Variants in CCNB3 observed in about 807,000 individuals in gnomAD.
The protein encoded by CCNB3 is G2/mitotic-specific cyclin-B3.
In CCNB3, 12 loss-of-function variants were observed where a neutral mutation model predicts 68.0. That is an observed-to-expected ratio of 0.18 (90% CI 0.11 to 0.29). The LOEUF (loss-of-function observed/expected upper bound fraction) is 0.29. Among genes scored for constraint, CCNB3 ranks in the 10% least tolerant of loss-of-function variants. The pLI, the probability that CCNB3 is intolerant of heterozygous loss-of-function variation, is 1.00. For missense variants in CCNB3, 904 were observed against 993.1 expected, an observed-to-expected ratio of 0.91 and a Z score of 1.21; for synonymous variants, 354 against 388.9, an observed-to-expected ratio of 0.91 and a Z score of 1.06.
At chrX:50,290,409 T>C (rs1557209965) in intron 4 of CCNB3, among the ~76,000 whole-genome samples, 5 of 111,542 alleles carry the variant, frequency 4.5e-5, no homozygotes, top group South Asian at 3.8e-4. Flanking sequence ...GGGCCTCTTT[T>C]ATAAGGGCAC....
chrX:50,227,054 A>G (rs1935862776), intron 1 of CCNB3, among the ~76,000 whole-genome samples: 1 of 81,117 alleles, frequency 1.2e-5, no homozygotes, highest in South Asian at 5.6e-4. Context: ...ATACAAATAT[A>G]TAGAATATAT....
chrX:50,340,254 T>C (rs1923057497), intron 8 of CCNB3, among the ~76,000 whole-genome samples: 1 of 111,726 alleles, frequency 9.0e-6, no homozygotes, highest in African/African-American at 3.3e-5. Context: ...AAGTGAAACT[T>C]ACAGGGAGGG....
At chrX:50,332,065 T>C (rs377164198) in intron 8 of CCNB3, among the ~76,000 whole-genome samples, 1 of 112,136 alleles carries the variant, frequency 8.9e-6, no homozygotes, top group East Asian at 2.8e-4. Context: ...TTCAGTCATA[T>C]AGCCTTTTTC....
chrX:50,325,072 T>G (rs1862303523), intron 8 of CCNB3, among the ~76,000 whole-genome samples: 1 of 111,415 alleles, frequency 9.0e-6, no homozygotes, highest in Non-Finnish European at 1.9e-5. Flanking sequence ...AGAACTGTAT[T>G]CTCTATAGGG....
intron 8 of CCNB3, among the ~76,000 whole-genome samples, chrX:50,317,567 G>GTATGTATGTATGTATTTATT (rs1409621892): frequency 3.0e-4 from 32 of 108,372 alleles, no homozygotes; most frequent in African/African-American, 1.1e-3. Context: ...ATGTATGTAT[G>GTATGTATGTATGTATTTATT]TATTTATTTA....
chrX:50,312,476 A>G (rs1921515171), intron 6 of CCNB3, 61 bp from the exon 7 acceptor site: 1 of 884,842 alleles, frequency 1.1e-6, no homozygotes, highest in Non-Finnish European at 1.7e-6. Flanking sequence ...ATTGATATGT[A>G]TGTGCTAAGT....
intron 8 of CCNB3, among the ~76,000 whole-genome samples, chrX:50,316,079 G>A (rs1256664876): frequency 9.0e-6 from 1 of 111,231 alleles, no homozygotes; most frequent in Non-Finnish European, 1.9e-5. Flanking sequence ...CGCAGTGGGA[G>A]GTAAGTGCAT....
intron 5 of CCNB3, among the ~76,000 whole-genome samples, chrX:50,300,891 C>T (rs1447523879): frequency 1.8e-5 from 2 of 111,793 alleles, no homozygotes; most frequent in African/African-American, 3.2e-5. Context: ...TTTCGTCTTC[C>T]GTTGCTGATA....
At chrX:50,215,816 AC>A in intron 1 of CCNB3, among the ~76,000 whole-genome samples, 1 of 110,698 alleles carries the variant, frequency 9.0e-6, no homozygotes, top group Non-Finnish European at 1.9e-5. Flanking sequence ...TAATATAGCC[AC>A]TTTTGTTTGT....
At chrX:50,279,880 T>C (rs1478200480) in intron 1 of CCNB3, among the ~76,000 whole-genome samples, 1 of 86,955 alleles carries the variant, frequency 1.2e-5, no homozygotes, top group Middle Eastern at 0.018. Flanking sequence ...AAAATATATA[T>C]AGTATATATA....
chrX:50,294,831 C>T, intron 4 of CCNB3, 32 bp from the exon 5 acceptor site: 1 of 1,175,093 alleles, frequency 8.5e-7, no homozygotes, highest in Non-Finnish European at 1.1e-6. Context: ...CTCCTTCTTC[C>T]CCTGCCCCCC....
Position 50,309,033 on chromosome X carries a change from G to C in CCNB3, c.864G>C (p.Lys288Asn), listed in dbSNP as rs1557214033. 8 of 1,209,419 alleles carry C rather than the reference G, an allele frequency of 6.6e-6. No homozygotes were observed. The highest frequency in any genetic ancestry group is 8.9e-6 in the Non-Finnish European group (8 of 894,968). Residue 288 changes from lysine to asparagine, a missense_variant, in exon 6 of 13, where the codon AAG (lysine) becomes AAC (asparagine). By Grantham distance (94) the Lys-to-Asn change is moderately conservative. This residue lies in a region of CCNB3 where 619 missense variants were observed against 609.8 expected (regional missense o/e 1.02). Coordinates refer to ENST00000376042, the MANE Select transcript of CCNB3 (RefSeq NM_033031.3). ...IPTHKLSSLKKKCTIYGKICH... is the reference protein window; with the variant it reads ...IPTHKLSSLKNKCTIYGKICH... ...CCCATAAGTTATCATCTTTAAAGAAGAAATGTACCATTTATGGGAAGATAT... is the reference window on the plus strand; with the variant it reads ...CCCATAAGTTATCATCTTTAAAGAACAAATGTACCATTTATGGGAAGATAT...
chrX:50,227,838 T>G (rs1266196973), intron 1 of CCNB3, among the ~76,000 whole-genome samples: 6 of 82,503 alleles, frequency 7.3e-5, no homozygotes, highest in Admixed American at 1.7e-4. Flanking sequence ...TAAATATATA[T>G]AGAGAATATA....
intron 5 of CCNB3, among the ~76,000 whole-genome samples, chrX:50,299,171 C>T (rs1190071082): frequency 9.0e-6 from 1 of 111,459 alleles, no homozygotes; most frequent in South Asian, 3.8e-4. Context: ...TTGCCTTCTG[C>T]TAGCTTTTGA....
chrX:50,222,745 G>C (rs1935692822), intron 1 of CCNB3, among the ~76,000 whole-genome samples: 1 of 110,671 alleles, frequency 9.0e-6, no homozygotes, highest in African/African-American at 3.3e-5. Context: ...TATGTGTCTT[G>C]GGGTTGCTCT....
intron 5 of CCNB3, among the ~76,000 whole-genome samples, chrX:50,299,982 C>T (rs1936588460): frequency 9.0e-6 from 1 of 111,071 alleles, no homozygotes; most frequent in Non-Finnish European, 1.9e-5. Flanking sequence ...TTTCCATTTG[C>T]TTGGTAGATC....
intron 9 of CCNB3, among the ~76,000 whole-genome samples, chrX:50,344,320 C>T (rs1342344807): frequency 8.9e-6 from 1 of 112,532 alleles, no homozygotes; most frequent in Non-Finnish European, 1.9e-5. Context: ...TGACACATAA[C>T]TGTGTATACA....
At position 50,346,794 on chromosome X, in the gene CCNB3, G is replaced by C; in HGVS notation, c.3797G>C (p.Arg1266Pro). ...ATTCCCATCGCCTACCATTTTCTGC[G>C]CAGATATGCTAGGGTAAGAGAGAAG... ...INIPIAYHFLRRYARCIHTNM... is the reference protein window; with the variant it reads ...INIPIAYHFLPRYARCIHTNM... The change falls in exon 10 of 13, where the codon CGC becomes CCC. Residue 1266 changes from arginine (R) to proline (P), a missense_variant. Around this residue, in one of 2 missense-constraint regions of CCNB3, gnomAD observed 285 missense variants for 383.4 expected, o/e 0.74. Transcript: ENST00000376042. The C allele has an allele frequency of 8.3e-7, 1 of 1,210,184 alleles. No homozygotes were observed. The highest frequency in any genetic ancestry group is 2.2e-5 in the Admixed American group (1 of 45,952).
intron 1 of CCNB3, among the ~76,000 whole-genome samples, chrX:50,222,254 A>G (rs1031248147): frequency 8.1e-5 from 9 of 111,507 alleles, no homozygotes; most frequent in Admixed American, 3.8e-4. Context: ...TGGGGCATTT[A>G]GCCCGTTTAC....
Sources: gnomAD v4.1 joint callset for allele counts (sites outside exome capture counted in the v4.1 genomes callset) on GRCh38, gnomAD v4.1.1 for gene constraint, gnomAD v4.1.1 regional missense constraint, MANE v1.5 for transcripts, NCBI Gene and HGNC (gene_info 2026-07-23, HGNC 2026-07-21) for gene names.